TENM3: variants seen among roughly 807,000 people sequenced by gnomAD.
TENM3 encodes the protein teneurin-3.
Under a neutral mutation model 255.1 loss-of-function variants are expected in TENM3, and 63 were observed. That is an observed-to-expected ratio of 0.25 (90% confidence interval 0.20 to 0.30). TENM3 has a LOEUF of 0.30. Ranked by LOEUF, TENM3 falls within the 10% of genes least tolerant of loss-of-function variation. The probability of loss-of-function intolerance (pLI) is 1.00; values close to 1 mark genes in which losing one functional copy is unlikely to be tolerated. For missense variants in TENM3, 2,929 were observed against 3,461.1 expected (o/e 0.85, Z 3.86); for synonymous variants, 1,306 against 1,322.3 (o/e 0.99, Z 0.27).
chr4:181,714,004 G>A, the TENM3 span, among the ~76,000 whole-genome samples: 1 of 152,158 alleles, frequency 6.6e-6, no homozygotes. Context: ...TGCTGAGGGA[G>A]GCACACGTAC....
chr4:181,633,219 G>T, the TENM3 span, among the ~76,000 whole-genome samples: 7 of 152,190 alleles, frequency 4.6e-5, no homozygotes, highest in Non-Finnish European at 1.0e-4. Flanking sequence ...CACAGGAAAT[G>T]CTGTTGATTT....
At chr4:182,661,201 T>TAA (rs1754197515) in intron 6 of TENM3, among the ~76,000 whole-genome samples, 1 of 139,166 alleles carries the variant, frequency 7.2e-6, no homozygotes, top group African/African-American at 2.7e-5. Flanking sequence ...AATTTTTTTT[T>TAA]TTTTTTTTTT....
the TENM3 span, among the ~76,000 whole-genome samples, chr4:181,729,972 C>T: frequency 1.6e-3 from 245 of 152,256 alleles, 1 homozygote; most frequent in African/African-American, 5.7e-3. Flanking sequence ...GAAAGGAGAG[C>T]TTTATTGGGG....
chr4:181,487,556 A>T, the TENM3 span, among the ~76,000 whole-genome samples: 1 of 152,120 alleles, frequency 6.6e-6, no homozygotes, highest in Admixed American at 6.5e-5. Flanking sequence ...TACGAGGGTA[A>T]TAATCTCACT....
At chr4:181,979,297 T>C in the TENM3 span, among the ~76,000 whole-genome samples, 269 of 151,334 alleles carry the variant, frequency 1.8e-3, 3 homozygotes, top group East Asian at 0.05. Flanking sequence ...GGTGGCCAAA[T>C]AGTATCTGTA....
intron 3 of TENM3, among the ~76,000 whole-genome samples, chr4:182,567,084 TAAAAG>T (rs1700300166): frequency 6.6e-6 from 1 of 152,102 alleles, no homozygotes; most frequent in South Asian, 2.1e-4. Flanking sequence ...GAGAGGTAAA[TAAAAG>T]AGACATAATC....
chr4:182,618,946 TG>T (rs139931283), intron 4 of TENM3, among the ~76,000 whole-genome samples: 6 of 150,588 alleles, frequency 4.0e-5, no homozygotes, highest in Non-Finnish European at 7.4e-5. Context: ...TACTCGGGGG[TG>T]GGGGTTGGGA....
In TENM3 at chr4:182,228,358, A is replaced by ATGTAATG. The variant is rs1554035080; in HGVS notation, c.-76+83607_-76+83608insAATGTGT. On this transcript the variant is annotated intron_variant, in intron 1 of 2. Transcript: ENST00000512480. ...CCTTAAATATATATAATGTAATGTAATGTGTGTGTGTGTGTGTGTGTGTGT... is the reference window on the plus strand; with the variant it reads ...CCTTAAATATATATAATGTAATGTAATGTAATGTGTGTGTGTGTGTGTGTGTGTGTGT... 4.6e-4 allele frequency among the ~76,000 whole-genome samples: 50 copies of ATGTAATG among 109,118 alleles called. 4 individuals are homozygous for ATGTAATG. Among genetic ancestry groups the ATGTAATG allele is most frequent in the African/African-American group, 1.7e-3 (47 of 27,714 alleles). The allele number at this position is 109,118 out of a possible 152,430, so 71.6% of individuals were successfully genotyped here.
the TENM3 span, among the ~76,000 whole-genome samples, chr4:181,657,080 A>G: frequency 6.6e-6 from 1 of 152,232 alleles, no homozygotes. Flanking sequence ...AAGAACGAAG[A>G]GGGAAATTAC....
intron 22 of TENM3, 90 bp from the exon 23 acceptor site, chr4:182,773,382 G>C: frequency 2.5e-6 from 3 of 1,188,772 alleles, no homozygotes; most frequent in Non-Finnish European, 3.5e-6. Context: ...CTCCAAATTT[G>C]TGCAACTAAT....
At chr4:182,021,620 C>A in the TENM3 span, among the ~76,000 whole-genome samples, 1 of 152,136 alleles carries the variant, frequency 6.6e-6, no homozygotes, top group Admixed American at 6.6e-5. Flanking sequence ...GTTTAAAGGT[C>A]CTCTAGACTT....
the TENM3 span, among the ~76,000 whole-genome samples, chr4:181,496,815 G>C: frequency 1.3e-5 from 2 of 152,116 alleles, no homozygotes; most frequent in African/African-American, 4.8e-5. Flanking sequence ...TGAGCCCTGA[G>C]GATAAATGAC....
chr4:181,731,880 G>T, the TENM3 span, among the ~76,000 whole-genome samples: 1 of 152,244 alleles, frequency 6.6e-6, no homozygotes, highest in East Asian at 1.9e-4. Flanking sequence ...CATGGAAAAT[G>T]ATTGTCCTAA....
the TENM3 span, among the ~76,000 whole-genome samples, chr4:181,727,348 T>C: frequency 5.3e-5 from 8 of 152,342 alleles, no homozygotes; most frequent in South Asian, 6.2e-4. Context: ...AGAAGCTGTC[T>C]ATCACTTTTA....
the TENM3 span, among the ~76,000 whole-genome samples, chr4:181,807,596 G>A: frequency 2.6e-5 from 4 of 152,046 alleles, no homozygotes; most frequent in Non-Finnish European, 2.9e-5. Flanking sequence ...CAGGTGATCC[G>A]CCTGCCTCGG....
intron 3 of TENM3, among the ~76,000 whole-genome samples, chr4:182,399,124 A>AT (rs1769054799): frequency 6.6e-6 from 1 of 152,222 alleles, no homozygotes; most frequent in Non-Finnish European, 1.5e-5. Context: ...CTTATAAATC[A>AT]TTACATACAA....
At chr4:181,881,305 G>A in the TENM3 span, among the ~76,000 whole-genome samples, 2 of 152,108 alleles carry the variant, frequency 1.3e-5, no homozygotes, top group South Asian at 4.2e-4. Context: ...TCTAAACCTA[G>A]CACCAATAAG....
chr4:182,303,535 G>GAT, intron 1 of TENM3, among the ~76,000 whole-genome samples: 1 of 152,266 alleles, frequency 6.6e-6, no homozygotes, highest in South Asian at 2.1e-4. Context: ...TACCTGCCCT[G>GAT]ATAGTCAACG....
At chr4:182,359,239 G>T (rs1765785061) in intron 3 of TENM3, among the ~76,000 whole-genome samples, 1 of 152,184 alleles carries the variant, frequency 6.6e-6, no homozygotes, top group Non-Finnish European at 1.5e-5. Flanking sequence ...CTCATAAAAT[G>T]AGTTAGGGAG....
Sources: allele counts gnomAD v4.1 joint callset (sites outside exome capture counted in the v4.1 genomes callset), GRCh38; gene constraint gnomAD v4.1.1; transcripts MANE v1.5; gene names NCBI Gene and HGNC (gene_info 2026-07-23, HGNC 2026-07-21).